Variants in PDE3A observed in about 807,000 individuals in gnomAD.
PDE3A encodes the protein cGMP-inhibited 3',5'-cyclic phosphodiesterase 3A.
In PDE3A, 43 loss-of-function variants were observed where a neutral mutation model predicts 98.3. The observed-to-expected ratio is 0.44, with a 90% confidence interval of 0.34 to 0.56. The LOEUF (loss-of-function observed/expected upper bound fraction) is 0.56, where lower values mean the gene tolerates loss of function less well. Among genes scored for constraint, PDE3A ranks in the 20% least tolerant of loss-of-function variants. PDE3A has a pLI of 0.01. For synonymous variants in PDE3A, 663 were observed against 567.9 expected (o/e 1.17, Z -2.38); for missense variants, 1,427 against 1,440.7 (o/e 0.99, Z 0.15).
At chr12:20,550,641 C>T (rs1942176172) in intron 1 of PDE3A, among the ~76,000 whole-genome samples, 1 of 152,010 alleles carries the variant, frequency 6.6e-6, no homozygotes, top group Non-Finnish European at 1.5e-5. Flanking sequence ...TTATCTGGGT[C>T]AGTGTACCCA....
chr12:20,533,343 A>G (rs78756360), intron 1 of PDE3A, among the ~76,000 whole-genome samples: 1 of 151,700 alleles, frequency 6.6e-6, no homozygotes, highest in Non-Finnish European at 1.5e-5. Flanking sequence ...TATCTCCTCC[A>G]TTCCTATTGT....
chr12:20,423,389 A>C (rs960874753), intron 1 of PDE3A, among the ~76,000 whole-genome samples: 1 of 152,176 alleles, frequency 6.6e-6, no homozygotes, highest in Non-Finnish European at 1.5e-5. Flanking sequence ...TATCTGTTTT[A>C]GTTGACTTCT....
chr12:20,432,733 G>A (rs548227551), intron 1 of PDE3A, among the ~76,000 whole-genome samples: 3 of 152,100 alleles, frequency 2.0e-5, no homozygotes, highest in Non-Finnish European at 2.9e-5. Context: ...TACTTTCTGA[G>A]CAATATTTTT....
intron 15 of PDE3A, among the ~76,000 whole-genome samples, chr12:20,667,961 G>C (rs111471295): frequency 0.022 from 3,330 of 152,126 alleles, 108 homozygotes; most frequent in African/African-American, 0.075. Flanking sequence ...TAGGGAGTGC[G>C]AGACAGTGGG....
intron 13 of PDE3A, among the ~76,000 whole-genome samples, chr12:20,649,997 T>C (rs2121517627): frequency 6.6e-6 from 1 of 152,332 alleles, no homozygotes; most frequent in East Asian, 1.9e-4. Context: ...ATTCAATAAT[T>C]AATGATTTTT....
intron 10 of PDE3A, among the ~76,000 whole-genome samples, chr12:20,645,458 CTTATTT>C (rs1944755736): frequency 6.6e-6 from 1 of 151,924 alleles, no homozygotes; most frequent in Non-Finnish European, 1.5e-5. Context: ...CTCTCTTCTC[CTTATTT>C]TAAGTATTAT....
At chr12:20,554,028 G>GA (rs1942295371) in intron 1 of PDE3A, among the ~76,000 whole-genome samples, 2 of 149,898 alleles carry the variant, frequency 1.3e-5, no homozygotes, top group Non-Finnish European at 3.0e-5. Flanking sequence ...TTTTCTAAAT[G>GA]AATTTTTTTG....
At chr12:20,498,824 G>GT (rs758509276) in intron 1 of PDE3A, among the ~76,000 whole-genome samples, 16 of 152,024 alleles carry the variant, frequency 1.1e-4, no homozygotes, top group African/African-American at 1.7e-4. Context: ...TTCTTTTCCT[G>GT]TTTTTCTTTT....
intron 2 of PDE3A, among the ~76,000 whole-genome samples, chr12:20,591,218 A>AAAAT (rs1019364765): frequency 6.6e-6 from 1 of 152,338 alleles, no homozygotes; most frequent in Non-Finnish European, 1.5e-5. Context: ...CTTTAGCCAC[A>AAAAT]AAATAAGTTT....
chr12:20,411,324 G>T (rs1248805607), intron 1 of PDE3A, among the ~76,000 whole-genome samples: 1 of 152,028 alleles, frequency 6.6e-6, no homozygotes, highest in African/African-American at 2.4e-5. Context: ...CAAGCCTCTG[G>T]TAGCCACCAT....
At chr12:20,425,793 G>A (rs1308895875) in intron 1 of PDE3A, among the ~76,000 whole-genome samples, 1 of 152,124 alleles carries the variant, frequency 6.6e-6, no homozygotes, top group East Asian at 1.9e-4. Context: ...CCAAGCATTT[G>A]TAGAGAAGCG....
chr12:20,685,281 G>A lies in PDE3A; in HGVS notation c.*5010G>A, dbSNP rs371432014. 6.6e-5 allele frequency among the ~76,000 whole-genome samples: 10 copies of A among 151,782 alleles called. No homozygotes were observed. Among genetic ancestry groups the A allele is most frequent in the African/African-American group, 1.7e-4 (7 of 41,386 alleles). On this transcript the variant is annotated 3_prime_UTR_variant, in exon 16 of 16. Transcript: ENST00000359062. ...TACAAAATGATTCAGGTGTGGTGGC[G>A]CATGTCTGTAATCCCAGCTACCCAG...
chr12:20,450,209 A>AG (rs1945040185), intron 1 of PDE3A: 1 of 279,284 alleles, frequency 3.6e-6, no homozygotes, highest in Non-Finnish European at 6.9e-6. Flanking sequence ...TTCAATAATT[A>AG]TATATTGAGT....
intron 1 of PDE3A, among the ~76,000 whole-genome samples, chr12:20,425,298 C>A (rs762683600): frequency 6.6e-6 from 1 of 151,876 alleles, no homozygotes; most frequent in Non-Finnish European, 1.5e-5. Flanking sequence ...AGAAACTGAG[C>A]GATTTTATTT....
At chr12:20,667,662 T>G (rs1364174324) in intron 15 of PDE3A, among the ~76,000 whole-genome samples, 1 of 152,212 alleles carries the variant, frequency 6.6e-6, no homozygotes, top group Non-Finnish European at 1.5e-5. Flanking sequence ...GCTGTTTTGT[T>G]TACTATACCC....
At chr12:20,386,112 A>AAT (rs35742238) in intron 1 of PDE3A, among the ~76,000 whole-genome samples, 1 of 23,234 alleles carries the variant, frequency 4.3e-5, no homozygotes, top group Non-Finnish European at 8.6e-5. Context: ...TATATATATA[A>AAT]ATATATATAA....
chr12:20,528,043 A>G (rs963406868), intron 1 of PDE3A, among the ~76,000 whole-genome samples: 1 of 152,160 alleles, frequency 6.6e-6, no homozygotes, highest in African/African-American at 2.4e-5. Context: ...GAATGGGCCC[A>G]GTCCTTTTGA....
intron 1 of PDE3A, among the ~76,000 whole-genome samples, chr12:20,490,809 A>G (rs1487056761): frequency 6.6e-6 from 1 of 152,200 alleles, no homozygotes; most frequent in Non-Finnish European, 1.5e-5. Flanking sequence ...CAGGAGAAAC[A>G]ATAATTTAAT....
intron 1 of PDE3A, among the ~76,000 whole-genome samples, chr12:20,391,565 CAT>C: frequency 6.6e-6 from 1 of 151,392 alleles, no homozygotes; most frequent in South Asian, 2.1e-4. Flanking sequence ...GTTTATATAT[CAT>C]AGTAAATTTT....
Sources: gnomAD v4.1 joint callset for allele counts (sites outside exome capture counted in the v4.1 genomes callset) on GRCh38, gnomAD v4.1.1 for gene constraint, MANE v1.5 for transcripts, NCBI Gene and HGNC (gene_info 2026-07-23, HGNC 2026-07-21) for gene names.